Variants in DPYD observed in about 807,000 individuals in gnomAD.
DPYD encodes the protein dihydropyrimidine dehydrogenase, also known as dihydropyrimidine dehydrogenase [NADP(+)].
A neutral mutation model predicts 116.2 loss-of-function variants in DPYD; 109 were observed. The observed-to-expected ratio is 0.94, with a 90% CI of 0.80 to 1.10. DPYD has a LOEUF of 1.10. Ranked by LOEUF, DPYD falls within the 50% of genes least tolerant of loss-of-function variation. DPYD has a pLI of 0.00. For synonymous variants in DPYD, 440 were observed against 432.0 expected (o/e 1.02, Z -0.23); for missense variants, 1,302 against 1,254.5 (o/e 1.04, Z -0.57).
intron 22 of DPYD, among the ~76,000 whole-genome samples, chr1:97,080,474 A>G (rs572597841): frequency 5.3e-4 from 80 of 152,214 alleles, no homozygotes; most frequent in African/African-American, 1.9e-3. Context: ...TTTCAGAGTA[A>G]ATCATGATAG....
At chr1:97,318,745 C>T (rs1668027979) in intron 16 of DPYD, among the ~76,000 whole-genome samples, 2 of 149,556 alleles carry the variant, frequency 1.3e-5, no homozygotes, top group South Asian at 4.3e-4. Context: ...TAGACATCTA[C>T]AGAACTCTCC....
At chr1:97,395,047 T>C (rs1570659844) in intron 14 of DPYD, among the ~76,000 whole-genome samples, 1 of 152,090 alleles carries the variant, frequency 6.6e-6, no homozygotes. Context: ...CATGTAGACA[T>C]TGCCTTCTGG....
intron 18 of DPYD, among the ~76,000 whole-genome samples, chr1:97,284,153 CTTCT>C (rs963254236): frequency 4.6e-5 from 7 of 152,200 alleles, no homozygotes; most frequent in South Asian, 2.1e-4. Context: ...TGATACGTCA[CTTCT>C]TTCATGTTAC....
intron 16 of DPYD, among the ~76,000 whole-genome samples, chr1:97,313,969 G>C (rs1667665033): frequency 6.6e-6 from 1 of 151,916 alleles, no homozygotes; most frequent in South Asian, 2.1e-4. Flanking sequence ...TTGCATACCA[G>C]CTTTCCATCA....
At chr1:97,353,461 T>G (rs1378192012) in intron 16 of DPYD, among the ~76,000 whole-genome samples, 1 of 152,148 alleles carries the variant, frequency 6.6e-6, no homozygotes, top group Non-Finnish European at 1.5e-5. Flanking sequence ...TTTTAAAGCC[T>G]TTCCTAAATA....
intron 18 of DPYD, among the ~76,000 whole-genome samples, chr1:97,260,166 C>T (rs910454516): frequency 1.3e-5 from 2 of 151,982 alleles, no homozygotes; most frequent in Non-Finnish European, 2.9e-5. Context: ...TCAAGAATGG[C>T]ACTTGCTTGT....
intron 13 of DPYD, among the ~76,000 whole-genome samples, chr1:97,473,334 T>C (rs1248930099): frequency 6.6e-6 from 1 of 152,236 alleles, no homozygotes; most frequent in East Asian, 1.9e-4. Flanking sequence ...AGAATAATAT[T>C]CCATGTGTAG....
At chr1:97,786,168 C>T (rs929739671) in intron 3 of DPYD, among the ~76,000 whole-genome samples, 1 of 151,780 alleles carries the variant, frequency 6.6e-6, no homozygotes, top group Admixed American at 6.6e-5. Context: ...AATCACATTA[C>T]TCTAAAAAGA....
chr1:97,405,585 G>C (rs912207047), intron 14 of DPYD, among the ~76,000 whole-genome samples: 5 of 151,890 alleles, frequency 3.3e-5, no homozygotes, highest in African/African-American at 1.2e-4. Context: ...CTGTGATCTT[G>C]GCTCATGGCA....
At chr1:97,224,642 T>C (rs2101898666) in intron 19 of DPYD, among the ~76,000 whole-genome samples, 1 of 152,074 alleles carries the variant, frequency 6.6e-6, no homozygotes. Context: ...TTTGTATCCT[T>C]GAACTGCATC....
chr1:97,473,704 G>A (rs1266304139), intron 13 of DPYD, among the ~76,000 whole-genome samples: 1 of 152,104 alleles, frequency 6.6e-6, no homozygotes, highest in Non-Finnish European at 1.5e-5. Flanking sequence ...AACTGGTATA[G>A]CTATTATTGA....
intron 16 of DPYD, among the ~76,000 whole-genome samples, chr1:97,324,965 C>A (rs151034758): frequency 1.3e-5 from 2 of 152,118 alleles, no homozygotes; most frequent in East Asian, 3.9e-4. Flanking sequence ...ATTACCAATT[C>A]GACAAGGATC....
rs561948547 is a variant in DPYD, at chr1:97,623,083, A to G, written c.851-27917T>C. Reference sequence around the variant, plus strand: ...TAGGACTCTGGTCATTCTAGTTTCCATCAAGCTGGGCAATGTTGAAAGTGA... The same window carrying G: ...TAGGACTCTGGTCATTCTAGTTTCCGTCAAGCTGGGCAATGTTGAAAGTGA... On this transcript the variant is annotated intron_variant, in intron 8 of 22. Transcript: ENST00000370192. Among the ~76,000 whole-genome samples the G allele has an allele frequency of 2.0e-5, 3 of 152,222 alleles. 1 individual carries two copies. The highest frequency in any genetic ancestry group is 4.1e-4 in the South Asian group (2 of 4,826).
chr1:97,877,687 T>C (rs1005284297), intron 2 of DPYD, among the ~76,000 whole-genome samples: 2 of 152,056 alleles, frequency 1.3e-5, no homozygotes, highest in African/African-American at 4.8e-5. Context: ...AAATATCATA[T>C]AACAGGAGGC....
intron 3 of DPYD, among the ~76,000 whole-genome samples, chr1:97,785,681 C>CT (rs35229030): frequency 0.046 from 2,849 of 62,550 alleles, 508 homozygotes; most frequent in African/African-American, 0.084. Context: ...GCCACTGACT[C>CT]TTTTTTTTTT....
intron 11 of DPYD, among the ~76,000 whole-genome samples, chr1:97,552,291 C>T (rs970111145): frequency 6.6e-6 from 1 of 152,088 alleles, no homozygotes; most frequent in Non-Finnish European, 1.5e-5. Flanking sequence ...TGAATAAATG[C>T]TTCACAAATT....
intron 2 of DPYD, among the ~76,000 whole-genome samples, chr1:97,864,098 T>G (rs1408243898): frequency 6.6e-6 from 1 of 151,998 alleles, no homozygotes; most frequent in African/African-American, 2.4e-5. Context: ...CTGTATAATG[T>G]GATTATTTAT....
chr1:97,707,852 G>A (rs755307199), intron 5 of DPYD, among the ~76,000 whole-genome samples: 1 of 151,896 alleles, frequency 6.6e-6, no homozygotes, highest in Non-Finnish European at 1.5e-5. Context: ...TAAATGGGTT[G>A]TTTTCATATT....
rs1446753064 is a variant in DPYD at position 97,828,181 on chromosome 1, C to A, written c.166G>T (p.Glu56Ter). The change falls in exon 3 of 23, where the codon GAG (glutamate) becomes TAG (stop). Residue 56 changes from glutamate (E) to a stop codon, truncating the protein, a stop_gained. Transcript: ENST00000370192. LOFTEE classifies it high-confidence loss of function. ...DKNCFNCEKL[E>*]NNFDDIKHTT... Reference sequence around the variant, plus strand: ...TGCTTGATGTCATCAAAATTATTCTCCAGCTTCTCACAATTCTGCAACATA... The same window carrying A: ...TGCTTGATGTCATCAAAATTATTCTACAGCTTCTCACAATTCTGCAACATA... The A allele has an allele frequency of 1.2e-6, 2 of 1,613,114 alleles. No individual in the cohort carries two copies. The highest frequency in any genetic ancestry group is 1.7e-6 in the Non-Finnish European group (2 of 1,179,666).
Sources: gnomAD v4.1 joint callset for allele counts (sites outside exome capture counted in the v4.1 genomes callset) on GRCh38, gnomAD v4.1.1 for gene constraint, MANE v1.5 for transcripts, NCBI Gene and HGNC (gene_info 2026-07-23, HGNC 2026-07-21) for gene names.